Variants in SLFN13 observed in about 807,000 individuals in gnomAD.
SLFN13 encodes schlafen family member 13, also known as schlafen-13.
In SLFN13, 43 loss-of-function variants were observed where a neutral mutation model predicts 50.6. The observed-to-expected ratio is 0.85, with a 90% confidence interval of 0.67 to 1.09. The LOEUF is 1.09. SLFN13 is among the 50% of genes least tolerant of loss of function. The probability of loss-of-function intolerance (pLI) is 0.00; values close to 1 mark genes in which losing one functional copy is unlikely to be tolerated. For missense variants in SLFN13, 881 were observed against 1,071.1 expected, an observed-to-expected ratio of 0.82 and a Z score of 2.48; for synonymous variants, 339 against 386.5, an observed-to-expected ratio of 0.88 and a Z score of 1.44.
chr17:35,437,687 A>C lies in SLFN13; in HGVS notation c.*2908T>G, dbSNP rs913845193. 2 of 152,152 alleles carry C rather than the reference A, an allele frequency of 1.3e-5. No individual in the cohort carries two copies. The highest frequency in any genetic ancestry group is 2.4e-5 in the African/African-American group (1 of 41,454). The allele number at this position is 152,152 out of a possible 1,614,324, so 9.4% of individuals were successfully genotyped here. A position where few individuals can be genotyped will look rare whatever the true frequency, so the allele number is the denominator to read the frequency against. ...AGACTACAAGGACAGATCTGTGAGC[A>C]TTCCTGGAATTCTCAGAAATCTTAA... is the stretch of plus-strand genomic sequence containing the variant. On this transcript the variant is annotated 3_prime_UTR_variant, in exon 6 of 6. Transcript: ENST00000285013.
rs1163440261 is a variant in SLFN13, at chr17:35,436,105, T to C, written c.*4490A>G. 6.6e-6 allele frequency: 1 copy of C among 152,200 alleles called. No homozygotes were observed. Among genetic ancestry groups the C allele is most frequent in the Non-Finnish European group, 1.5e-5 (1 of 68,036 alleles). 9.4% of individuals were successfully genotyped at this position (152,200 alleles called of 1,614,324 possible). ...GACCTGCAATTTTCCTTTCATACTT[T>C]ACCTATCAGACTTGTTATCAAGATT... On this transcript the variant is annotated 3_prime_UTR_variant, in exon 6 of 6. Transcript: ENST00000285013.
chr17:35,447,820 T>C (rs1567866003), intron 1 of SLFN13, among the ~76,000 whole-genome samples: 1 of 152,184 alleles, frequency 6.6e-6, no homozygotes, highest in Non-Finnish European at 1.5e-5. Context: ...GATTGCAGGG[T>C]AATCAGGATA....
In SLFN13 at chr17:35,445,400, G is replaced by C; in HGVS notation, c.281C>G (p.Ala94Gly). Residue 94 changes from alanine to glycine, a missense_variant, in exon 3 of 6, where the codon GCT (alanine) becomes GGT (glycine). Ala to Gly is a moderately conservative substitution (Grantham distance 60). This residue lies in a region of SLFN13 where 497 missense variants were observed against 518.3 expected (regional missense o/e 0.96). Transcript: ENST00000285013. ...TCCGTGTTGCTTAGTCTCAAAGAAA[G>C]CCTGCAAATATGGATACTGAATAAG... ...RKLIQYPYLQ[A>G]FFETKQHGRC... 3 of 1,614,162 alleles carry C rather than the reference G, an allele frequency of 1.9e-6. No individual in the cohort carries two copies. Among genetic ancestry groups the C allele is most frequent in the Non-Finnish European group, 2.5e-6 (3 of 1,180,028 alleles).
rs1272943089 is a variant in SLFN13 at position 35,445,454 on chromosome 17, C to G, written c.227G>C (p.Gly76Ala). The G allele has an allele frequency of 6.2e-7, 1 of 1,614,194 alleles. No individual in the cohort carries two copies. The highest frequency in any genetic ancestry group is 8.5e-7 in the Non-Finnish European group (1 of 1,180,032). ...ANRDERPTEM[G>A]LDLEESLRKL... is the part of the protein sequence containing the mutation. ...TCTCAAGGATTCTTCTAAATCCAGTCCCATCTCTGTGGGACGCTCATCCCT... is the reference window on the plus strand; with the variant it reads ...TCTCAAGGATTCTTCTAAATCCAGTGCCATCTCTGTGGGACGCTCATCCCT... Residue 76 changes from glycine to alanine, a missense_variant, in exon 3 of 6, where the codon GGA (glycine) becomes GCA (alanine). Coordinates refer to ENST00000285013, the MANE Select transcript of SLFN13 (RefSeq NM_144682.6).
At chr17:35,443,606 C>G (rs757269570) in intron 4 of SLFN13, among the ~76,000 whole-genome samples, 183 bp downstream of exon 4, 1 of 152,186 alleles carries the variant, frequency 6.6e-6, no homozygotes, top group African/African-American at 2.4e-5. Context: ...AATAATCAGC[C>G]AGATGTGGCA....
At chr17:35,444,157 T>G (rs759309756) in intron 3 of SLFN13, among the ~76,000 whole-genome samples, 5 of 152,258 alleles carry the variant, frequency 3.3e-5, no homozygotes, top group Non-Finnish European at 5.9e-5. Context: ...CTTCCATGTT[T>G]GAATAGTTCT....
rs1378587383 is a variant in SLFN13, at chr17:35,445,886, C to T, written c.-13-193G>A. On this transcript the variant is annotated intron_variant, in intron 2 of 5. Coordinates refer to ENST00000285013, the MANE Select transcript of SLFN13 (RefSeq NM_144682.6). ...AACTAATGAAATTAGCCTTTACCATCATCTGTGACATGGGCTCTAAGAGGG... is the reference window on the plus strand; with the variant it reads ...AACTAATGAAATTAGCCTTTACCATTATCTGTGACATGGGCTCTAAGAGGG... 6 of 510,586 alleles carry T rather than the reference C, an allele frequency of 1.2e-5. No individual in the cohort carries two copies. In the Admixed American group the frequency reaches 2.1e-4, roughly 18 times the overall value. 31.6% of individuals were successfully genotyped at this position (510,586 alleles called of 1,614,324 possible).
intron 4 of SLFN13, among the ~76,000 whole-genome samples, chr17:35,443,215 A>G (rs148824324): frequency 6.6e-4 from 101 of 152,350 alleles, no homozygotes; most frequent in African/African-American, 2.3e-3. Flanking sequence ...GAGAGGGGTT[A>G]CATAACATTG....
chr17:35,440,379 G>C lies in SLFN13; in HGVS notation c.*216C>G. 3.3e-6 allele frequency: 2 copies of C among 606,176 alleles called. No individual in the cohort carries two copies. The highest frequency in any genetic ancestry group is 5.6e-5 in the East Asian group (2 of 35,898). 37.5% of individuals were successfully genotyped at this position (606,176 alleles called of 1,614,324 possible). A position where few individuals can be genotyped will look rare whatever the true frequency, so the allele number is the denominator to read the frequency against. On this transcript the variant is annotated 3_prime_UTR_variant, in exon 6 of 6. Coordinates refer to ENST00000285013, the MANE Select transcript of SLFN13 (RefSeq NM_144682.6). ...ATCTTTCTGGCTGCAAGAGTCAGGGGTCAGAATGGGGGGCAGCCACCACTG... is the reference window on the plus strand; with the variant it reads ...ATCTTTCTGGCTGCAAGAGTCAGGGCTCAGAATGGGGGGCAGCCACCACTG...
At chr17:35,448,799 A>G (rs1177787111), upstream of SLFN13, 4 of 152,308 alleles carry the variant, frequency 2.6e-5, no homozygotes, top group Non-Finnish European at 4.4e-5. Flanking sequence ...CTTATAACCA[A>G]TGGTTGGCGC....
chr17:35,447,941 G>A (rs998087251), intron 1 of SLFN13, among the ~76,000 whole-genome samples: 2 of 152,032 alleles, frequency 1.3e-5, no homozygotes, highest in Non-Finnish European at 2.9e-5. Flanking sequence ...GGAGGGCAGT[G>A]GCGCCATCAC....
rs184716643 is a variant in SLFN13 at position 35,442,467 on chromosome 17, G to A, written c.1199-181C>T. On this transcript the variant is annotated intron_variant, in intron 4 of 5. Coordinates refer to ENST00000285013, the MANE Select transcript of SLFN13 (RefSeq NM_144682.6). ...TTGTCTGTCTGTCTGTTTTTGAGAC[G>A]GAGTCTCGCTCTGTCGCCCAGGCTG... Among the ~76,000 whole-genome samples, 20 of 152,256 alleles carry A rather than the reference G, an allele frequency of 1.3e-4. No individual in the cohort carries two copies. The East Asian group carries it at 2.3e-3, about 18-fold the overall frequency.
upstream of SLFN13, among the ~76,000 whole-genome samples, chr17:35,449,317 C>T (rs1031194294): frequency 2.0e-5 from 3 of 151,982 alleles, no homozygotes; most frequent in Non-Finnish European, 4.4e-5. Context: ...TTCTTTCTTA[C>T]TCCCCCTCCG....
In SLFN13 at chr17:35,439,928, T is replaced by C. The variant is rs1031107; in HGVS notation, c.*667A>G. ...CTATAATTTCTCTGTAAAGGTACCA[T>C]TAATGTTCACTATTACAATTAAGCC... On this transcript the variant is annotated 3_prime_UTR_variant, in exon 6 of 6. Transcript: ENST00000285013. The C allele has an allele frequency of 0.39, 59,535 of 152,044 alleles. 12,106 individuals carry two copies. Among genetic ancestry groups the C allele is most frequent in the Middle Eastern group, 0.48 (140 of 294 alleles). 9.4% of individuals were successfully genotyped at this position (152,044 alleles called of 1,614,324 possible).
At position 35,438,445 on chromosome 17, in the gene SLFN13, G is replaced by A. The variant is rs919649088; in HGVS notation, c.*2150C>T. 11 of 151,932 alleles carry A rather than the reference G, an allele frequency of 7.2e-5. No homozygotes were observed. The highest frequency in any genetic ancestry group is 1.2e-4 in the Non-Finnish European group (8 of 68,006). The allele number at this position is 151,932 out of a possible 1,614,324, so 9.4% of individuals were successfully genotyped here. A position where few individuals can be genotyped will look rare whatever the true frequency, so the allele number is the denominator to read the frequency against. On this transcript the variant is annotated 3_prime_UTR_variant, in exon 6 of 6. Coordinates refer to ENST00000285013, the MANE Select transcript of SLFN13 (RefSeq NM_144682.6). ...TATTACTAGGGCAATAAATCATATA[G>A]AGAGATTCAACCAGTCAGAATTAGA...
rs1461589485 is a variant in SLFN13, at chr17:35,436,206, A to C, written c.*4389T>G. The C allele has an allele frequency of 6.6e-6, 1 of 151,726 alleles. No homozygotes were observed. Among genetic ancestry groups the C allele is most frequent in the Non-Finnish European group, 1.5e-5 (1 of 68,004 alleles). The allele number at this position is 151,726 out of a possible 1,614,324, so 9.4% of individuals were successfully genotyped here. A position where few individuals can be genotyped will look rare whatever the true frequency, so the allele number is the denominator to read the frequency against. ...CATTTGAATAAGACTGAAATTCTCT[A>C]GGACTGAAATTCTCTCCTCCTTAAA... is the stretch of plus-strand genomic sequence containing the variant. On this transcript the variant is annotated 3_prime_UTR_variant, in exon 6 of 6. Coordinates refer to ENST00000285013, the MANE Select transcript of SLFN13 (RefSeq NM_144682.6).
In SLFN13 at chr17:35,441,269, G is replaced by A. The variant is rs756259524; in HGVS notation, c.2020C>T (p.Arg674Cys). The change falls in exon 6 of 6, where the codon CGT (arginine) becomes TGT (cysteine). Residue 674 changes from arginine to cysteine, a missense_variant. By Grantham distance (180) the Arg-to-Cys change is radical (BLOSUM62 -3). Around this residue, in one of 5 missense-constraint regions of SLFN13, gnomAD observed 322 missense variants for 327.4 expected, o/e 0.98. Coordinates refer to ENST00000285013, the MANE Select transcript of SLFN13 (RefSeq NM_144682.6). ...HIVIDEAQNF[R>C]TEDGDWYRKA... is the part of the protein sequence containing the mutation. ...CTATACCAGTCCCCATCTTCAGTAC[G>A]GAAATTCTGAGCTTCGTCAATGACG... 48 of 1,613,832 alleles carry A rather than the reference G, an allele frequency of 3.0e-5. No individual in the cohort carries two copies. The highest frequency in any genetic ancestry group is 5.0e-5 in the Admixed American group (3 of 59,990).
In SLFN13 at chr17:35,441,254, C is replaced by G; in HGVS notation, c.2035G>C (p.Asp679His). 6.2e-7 allele frequency: 1 copy of G among 1,614,018 alleles called. No homozygotes were observed. Among genetic ancestry groups the G allele is most frequent in the Non-Finnish European group, 8.5e-7 (1 of 1,179,996 alleles). The change falls in exon 6 of 6, where the codon GAC (aspartate) becomes CAC (histidine). Residue 679 changes from aspartate to histidine, a missense_variant. By Grantham distance (81) the Asp-to-His change is moderately conservative (BLOSUM62 -1). Transcript: ENST00000285013. ...ATGGTTTTTGCCTTCCTATACCAGT[C>G]CCCATCTTCAGTACGGAAATTCTGA... ...EAQNFRTEDG[D>H]WYRKAKTITQ...
At chr17:35,448,035 T>A (rs1172334958) in intron 1 of SLFN13, among the ~76,000 whole-genome samples, 1 of 135,548 alleles carries the variant, frequency 7.4e-6, no homozygotes, top group Admixed American at 7.4e-5. Flanking sequence ...TTATTAATAT[T>A]AGTATTATAT....
Sources: allele counts gnomAD v4.1 joint callset (sites outside exome capture counted in the v4.1 genomes callset), GRCh38; gene constraint gnomAD v4.1.1; regional missense constraint gnomAD v4.1.1; transcripts MANE v1.5; gene names NCBI Gene and HGNC (gene_info 2026-07-23, HGNC 2026-07-21).